Variants in SORCS2 observed in about 807,000 individuals in gnomAD.
The protein encoded by SORCS2 is VPS10 domain-containing receptor SorCS2.
A neutral mutation model predicts 141.6 loss-of-function variants in SORCS2; 100 were observed. The ratio of observed to expected loss-of-function variants is 0.71; its 90% CI spans 0.60 to 0.83. The LOEUF is 0.83. Ranked by LOEUF, SORCS2 falls within the 40% of genes least tolerant of loss-of-function variation. The pLI, the probability that SORCS2 is intolerant of heterozygous loss-of-function variation, is 0.00. For missense variants in SORCS2, 1,646 were observed against 1,560.2 expected (o/e 1.05, Z -0.93); for synonymous variants, 789 against 676.9 (o/e 1.17, Z -2.57).
At chr4:7,405,299 C>G (rs998918739) in intron 2 of SORCS2, among the ~76,000 whole-genome samples, 1 of 152,066 alleles carries the variant, frequency 6.6e-6, no homozygotes, top group East Asian at 1.9e-4. Flanking sequence ...GTGCCTCCAG[C>G]TTTGTTCTTC....
At chr4:7,494,130 A>G (rs1467311340) in intron 2 of SORCS2, among the ~76,000 whole-genome samples, 1 of 152,150 alleles carries the variant, frequency 6.6e-6, no homozygotes, top group Non-Finnish European at 1.5e-5. Flanking sequence ...TATAGCTGAG[A>G]TCTTATTCCG....
chr4:7,630,407 C>T (rs1719808945), intron 3 of SORCS2, among the ~76,000 whole-genome samples: 1 of 152,214 alleles, frequency 6.6e-6, no homozygotes, highest in South Asian at 2.1e-4. Context: ...ATTTCTACAA[C>T]ACTTGCAAAT....
At chr4:7,601,243 T>C (rs2107179) in intron 3 of SORCS2, among the ~76,000 whole-genome samples, 149,075 of 152,176 alleles carry the variant, frequency 0.98, 73,067 homozygotes, top group Non-Finnish European at 1. Flanking sequence ...AAAAACCAGC[T>C]TTGATTTAGA....
chr4:7,464,550 G>A (rs186165388), intron 2 of SORCS2, among the ~76,000 whole-genome samples: 2 of 152,276 alleles, frequency 1.3e-5, no homozygotes, highest in East Asian at 3.9e-4. Flanking sequence ...CAGCAGAGAA[G>A]GGCTATGTGG....
chr4:7,495,639 C>T (rs144416102), intron 2 of SORCS2, among the ~76,000 whole-genome samples: 1 of 152,320 alleles, frequency 6.6e-6, no homozygotes, highest in African/African-American at 2.4e-5. Flanking sequence ...CATCTCACAG[C>T]TGGGAGGGCC....
At chr4:7,260,946 T>C (rs1403449074) in intron 1 of SORCS2, among the ~76,000 whole-genome samples, 1 of 152,220 alleles carries the variant, frequency 6.6e-6, no homozygotes, top group African/African-American at 2.4e-5. Context: ...CTTGAGGCGC[T>C]CATAGCACTG....
chr4:7,567,785 G>A (rs1715127038), intron 3 of SORCS2, among the ~76,000 whole-genome samples: 1 of 152,288 alleles, frequency 6.6e-6, no homozygotes, highest in East Asian at 1.9e-4. Flanking sequence ...CTGCATGGGA[G>A]GTGTGTCTCT....
intron 2 of SORCS2, among the ~76,000 whole-genome samples, chr4:7,410,589 C>T (rs1424556033): frequency 6.6e-6 from 1 of 152,202 alleles, no homozygotes; most frequent in Non-Finnish European, 1.5e-5. Context: ...GGTCTGTTTC[C>T]TTCCTTCTCC....
intron 1 of SORCS2, among the ~76,000 whole-genome samples, chr4:7,232,396 G>A (rs914238360): frequency 1.8e-4 from 27 of 152,180 alleles, no homozygotes; most frequent in Admixed American, 1.3e-4. Flanking sequence ...CCCAGGGCCC[G>A]GCGCCTGGAC....
At chr4:7,573,748 G>A (rs779682151) in intron 3 of SORCS2, among the ~76,000 whole-genome samples, 3 of 152,208 alleles carry the variant, frequency 2.0e-5, no homozygotes, top group Non-Finnish European at 4.4e-5. Context: ...AGGACTAGGG[G>A]CCAGAGGCCA....
intron 3 of SORCS2, among the ~76,000 whole-genome samples, chr4:7,586,229 T>G (rs1716527348): frequency 1.3e-5 from 2 of 152,226 alleles, no homozygotes; most frequent in Non-Finnish European, 2.9e-5. Context: ...TTCTGCCACC[T>G]TCTGGGAGAG....
chr4:7,478,644 T>C (rs905883799), intron 2 of SORCS2, among the ~76,000 whole-genome samples: 3 of 152,184 alleles, frequency 2.0e-5, no homozygotes, highest in African/African-American at 7.2e-5. Flanking sequence ...TCTGACCTGG[T>C]CACCACTGTA....
At chr4:7,289,957 T>C (rs1399588166) in intron 1 of SORCS2, among the ~76,000 whole-genome samples, 1 of 152,180 alleles carries the variant, frequency 6.6e-6, no homozygotes, top group Non-Finnish European at 1.5e-5. Context: ...AAGAGTCCCC[T>C]TCCGATTGCC....
intron 1 of SORCS2, among the ~76,000 whole-genome samples, chr4:7,357,980 C>G (rs1721354776): frequency 1.3e-5 from 2 of 152,192 alleles, no homozygotes; most frequent in Non-Finnish European, 2.9e-5. Context: ...GGGGTCTGCA[C>G]CTCTGTGCAT....
intron 1 of SORCS2, among the ~76,000 whole-genome samples, chr4:7,198,913 C>G (rs1252236739): frequency 1.3e-5 from 2 of 152,158 alleles, no homozygotes; most frequent in Non-Finnish European, 2.9e-5. Flanking sequence ...GCCCTTGCCC[C>G]AGTCACTCGA....
chr4:7,326,032 G>A (rs1202284745), intron 1 of SORCS2, among the ~76,000 whole-genome samples: 1 of 152,140 alleles, frequency 6.6e-6, no homozygotes, highest in East Asian at 1.9e-4. Flanking sequence ...TGATGTTCCA[G>A]TGGATTTCAG....
intron 2 of SORCS2, among the ~76,000 whole-genome samples, chr4:7,477,368 G>A (rs78756513): frequency 1.9e-4 from 26 of 134,944 alleles, no homozygotes; most frequent in South Asian, 6.6e-4. Flanking sequence ...GGGGCTGACC[G>A]TGGCTGACCG....
chr4:7,496,884 G>A (rs144060374), intron 2 of SORCS2, among the ~76,000 whole-genome samples: 5 of 152,328 alleles, frequency 3.3e-5, no homozygotes, highest in African/African-American at 7.2e-5. Context: ...AGCCAGAGCT[G>A]CTTCTCCAGG....
chr4:7,311,210 G>GA (rs1355357216), intron 1 of SORCS2, among the ~76,000 whole-genome samples: 7 of 152,056 alleles, frequency 4.6e-5, no homozygotes, highest in African/African-American at 1.7e-4. Flanking sequence ...CCTCTACTCA[G>GA]CATCGCTGTT....
Sources: allele counts gnomAD v4.1 joint callset (sites outside exome capture counted in the v4.1 genomes callset), GRCh38; gene constraint gnomAD v4.1.1; transcripts MANE v1.5; gene names NCBI Gene and HGNC (gene_info 2026-07-23, HGNC 2026-07-21).